Variants in MACROD2 observed in about 807,000 individuals in gnomAD.
The protein encoded by MACROD2 is mono-ADP ribosylhydrolase 2, also known as ADP-ribose glycohydrolase MACROD2.
In MACROD2, 36 loss-of-function variants were observed where a neutral mutation model predicts 70.4. The ratio of observed to expected loss-of-function variants is 0.51; its 90% CI spans 0.39 to 0.68. MACROD2 has a LOEUF of 0.68. Among genes scored for constraint, MACROD2 ranks in the 30% least tolerant of loss-of-function variants. The pLI is 0.00. For missense variants in MACROD2, 496 were observed against 538.4 expected (o/e 0.92, Z 0.78); for synonymous variants, 172 against 178.8 (o/e 0.96, Z 0.30).
intron 6 of MACROD2, among the ~76,000 whole-genome samples, chr20:15,342,844 C>G (rs2078125278): frequency 6.6e-6 from 1 of 152,120 alleles, no homozygotes; most frequent in Non-Finnish European, 1.5e-5. Flanking sequence ...CTATCACACA[C>G]CCACCTTGAA....
intron 8 of MACROD2, among the ~76,000 whole-genome samples, chr20:15,562,530 GAAGGT>G (rs1277345560): frequency 6.6e-6 from 1 of 152,158 alleles, no homozygotes; most frequent in Non-Finnish European, 1.5e-5. Context: ...ATGAATATTG[GAAGGT>G]AATGTTTGTG....
chr20:14,779,539 C>T (rs776997762), intron 5 of MACROD2, among the ~76,000 whole-genome samples: 7 of 152,068 alleles, frequency 4.6e-5, no homozygotes, highest in African/African-American at 1.5e-4. Context: ...ATGACTCTAC[C>T]GCTTTCTATT....
At chr20:15,351,446 C>A (rs941210164) in intron 6 of MACROD2, among the ~76,000 whole-genome samples, 12 of 152,142 alleles carry the variant, frequency 7.9e-5, no homozygotes, top group African/African-American at 2.2e-4. Context: ...TTCCAGTTGT[C>A]TACCTCTGTG....
At chr20:15,660,679 G>A (rs112049451) in intron 8 of MACROD2, among the ~76,000 whole-genome samples, 5,246 of 152,152 alleles carry the variant, frequency 0.034, 132 homozygotes, top group Non-Finnish European at 0.048. Flanking sequence ...ATGCTAAAAT[G>A]TGTGTAATGT....
chr20:14,132,053 C>T (rs2054725300), intron 3 of MACROD2, among the ~76,000 whole-genome samples: 1 of 151,118 alleles, frequency 6.6e-6, no homozygotes, highest in Non-Finnish European at 1.5e-5. Context: ...ATGGTGTGAA[C>T]CCGGGAGGCG....
intron 4 of MACROD2, among the ~76,000 whole-genome samples, chr20:14,555,076 A>G (rs1007115019): frequency 2.6e-5 from 4 of 152,032 alleles, no homozygotes; most frequent in African/African-American, 7.2e-5. Context: ...GTAGTCAACA[A>G]TGACTTAATT....
At chr20:14,407,260 GTATT>G (rs1327385189) in intron 3 of MACROD2, among the ~76,000 whole-genome samples, 1 of 151,956 alleles carries the variant, frequency 6.6e-6, no homozygotes, top group Admixed American at 6.6e-5. Flanking sequence ...CTGTGGGTCT[GTATT>G]TATTTATTTG....
intron 5 of MACROD2, among the ~76,000 whole-genome samples, chr20:14,797,842 G>GTGTT (rs1357949702): frequency 6.6e-6 from 1 of 152,012 alleles, no homozygotes; most frequent in Non-Finnish European, 1.5e-5. Context: ...TAGCGTAAGA[G>GTGTT]TGTTCACTAA....
At chr20:15,236,861 G>A (rs2077017928) in intron 6 of MACROD2, among the ~76,000 whole-genome samples, 1 of 152,224 alleles carries the variant, frequency 6.6e-6, no homozygotes, top group African/African-American at 2.4e-5. Context: ...AACTGAGGTA[G>A]TCTAAATCTA....
chr20:15,111,978 C>T (rs1232237405), intron 5 of MACROD2, among the ~76,000 whole-genome samples: 1 of 152,194 alleles, frequency 6.6e-6, no homozygotes, highest in Non-Finnish European at 1.5e-5. Context: ...GTACTGAACA[C>T]AGGTCAAAGG....
rs547997036 is a variant in MACROD2, at chr20:16,011,563, G to A, written c.1153+24405G>A. Among the ~76,000 whole-genome samples, 3 of 152,352 alleles carry A rather than the reference G, an allele frequency of 2.0e-5. No homozygotes were observed. In the East Asian group the frequency reaches 5.8e-4, roughly 29 times the overall value. Reference sequence around the variant, plus strand: ...GGAGTTTATTAAAGGAAATGCCTGTGTGAGAGGAAAGAAAGAGGGTGCTGG... The same window carrying A: ...GGAGTTTATTAAAGGAAATGCCTGTATGAGAGGAAAGAAAGAGGGTGCTGG... On this transcript the variant is annotated intron_variant, in intron 15 of 17. Coordinates refer to ENST00000684519, the MANE Select transcript of MACROD2 (RefSeq NM_001351661.2).
intron 3 of MACROD2, among the ~76,000 whole-genome samples, chr20:14,387,773 TG>T (rs1338236420): frequency 6.6e-6 from 1 of 152,224 alleles, no homozygotes; most frequent in Non-Finnish European, 1.5e-5. Flanking sequence ...AAATTTGCCA[TG>T]CCTCTTTTTC....
intron 8 of MACROD2, among the ~76,000 whole-genome samples, chr20:15,701,782 C>A (rs879505908): frequency 3.9e-5 from 6 of 152,048 alleles, no homozygotes; most frequent in Non-Finnish European, 7.4e-5. Context: ...TAAATAGTAC[C>A]CAATAGGTAG....
Position 15,169,166 on chromosome 20 carries a change from T to C in MACROD2, c.419-60774T>C, listed in dbSNP as rs575463076. Among the ~76,000 whole-genome samples the C allele has an allele frequency of 1.3e-4, 20 of 152,300 alleles. No homozygotes were observed. In the South Asian group the frequency reaches 3.7e-3, roughly 28 times the overall value. On this transcript the variant is annotated intron_variant, in intron 5 of 17. Transcript: ENST00000684519. ...GGTTAAAAGGGTACATTTTATGTTA[T>C]GTATATTTCACCACAGTTAAAAAAG...
At chr20:15,392,205 A>C (rs767292109) in intron 6 of MACROD2, among the ~76,000 whole-genome samples, 1 of 152,212 alleles carries the variant, frequency 6.6e-6, no homozygotes, top group African/African-American at 2.4e-5. Flanking sequence ...GAACTACAGG[A>C]AAGTGTCTTT....
intron 5 of MACROD2, among the ~76,000 whole-genome samples, chr20:14,946,812 C>G (rs925378176): frequency 2.4e-4 from 36 of 152,250 alleles, no homozygotes; most frequent in African/African-American, 7.7e-4. Flanking sequence ...TCTTTTAATT[C>G]ACTTTCATTC....
At chr20:14,098,040 G>T (rs2054252104) in intron 3 of MACROD2, among the ~76,000 whole-genome samples, 1 of 152,152 alleles carries the variant, frequency 6.6e-6, no homozygotes, top group Non-Finnish European at 1.5e-5. Context: ...TATTTCACAG[G>T]TCTGTTGTGA....
intron 4 of MACROD2, among the ~76,000 whole-genome samples, chr20:14,584,448 G>C (rs1449894773): frequency 6.6e-6 from 1 of 152,050 alleles, no homozygotes; most frequent in Non-Finnish European, 1.5e-5. Context: ...TCAAGGTGTG[G>C]GCCAATTCAG....
At chr20:15,764,473 C>T (rs1052954692) in intron 8 of MACROD2, among the ~76,000 whole-genome samples, 1 of 152,094 alleles carries the variant, frequency 6.6e-6, no homozygotes, top group Non-Finnish European at 1.5e-5. Flanking sequence ...CTGTTTTGCC[C>T]AGCCTTTCCC....
Sources: allele counts gnomAD v4.1 joint callset (sites outside exome capture counted in the v4.1 genomes callset), GRCh38; gene constraint gnomAD v4.1.1; transcripts MANE v1.5; gene names NCBI Gene and HGNC (gene_info 2026-07-23, HGNC 2026-07-21).